Variants in GABRA2 observed in about 807,000 individuals in gnomAD.
GABRA2 encodes the protein gamma-aminobutyric acid type A receptor subunit alpha2, also known as gamma-aminobutyric acid receptor subunit alpha-2.
Under a neutral mutation model 48.7 loss-of-function variants are expected in GABRA2, and 16 were observed. The observed-to-expected ratio is 0.33, with a 90% CI of 0.22 to 0.50. The LOEUF is 0.50. Ranked by LOEUF, GABRA2 falls within the 20% of genes least tolerant of loss-of-function variation. The probability of loss-of-function intolerance (pLI) is 0.98; values close to 1 mark genes in which losing one functional copy is unlikely to be tolerated. For missense variants in GABRA2, 275 were observed against 535.6 expected (o/e 0.51, Z 4.80); for synonymous variants, 185 against 184.5 (o/e 1.00, Z -0.02).
chr4:46,262,948 AAGAAAGAAAG>A (rs1402401111), intron 8 of GABRA2, among the ~76,000 whole-genome samples: 3 of 94,768 alleles, frequency 3.2e-5, no homozygotes, highest in Admixed American at 9.4e-5. Context: ...GAAAGAAAGA[AAGAAAGAAAG>A]AGAGAGAGAG....
At chr4:46,305,775 G>T in intron 6 of GABRA2, 64 bp from the exon 7 acceptor site, 2 of 1,184,718 alleles carry the variant, frequency 1.7e-6, no homozygotes, top group Admixed American at 1.9e-5. Context: ...AGTGCTACAC[G>T]AACGGTTGTG....
At chr4:46,374,579 A>T (rs796380413) in intron 3 of GABRA2, among the ~76,000 whole-genome samples, 8 of 152,208 alleles carry the variant, frequency 5.3e-5, no homozygotes, top group African/African-American at 1.9e-4. Flanking sequence ...ACAAAATCCA[A>T]TTGTACTACC....
intron 8 of GABRA2, among the ~76,000 whole-genome samples, chr4:46,281,817 T>C (rs1721594364): frequency 1.3e-5 from 2 of 152,062 alleles, no homozygotes; most frequent in Non-Finnish European, 2.9e-5. Flanking sequence ...GTCAAGGGAA[T>C]TTTATTTGAG....
At chr4:46,292,220 G>T (rs74373441) in intron 8 of GABRA2, among the ~76,000 whole-genome samples, 1 of 152,242 alleles carries the variant, frequency 6.6e-6, no homozygotes, top group South Asian at 2.1e-4. Flanking sequence ...TGAACTCAGG[G>T]ATTCTAACTC....
At chr4:46,329,318 G>A (rs1730935211) in intron 4 of GABRA2, among the ~76,000 whole-genome samples, 1 of 152,118 alleles carries the variant, frequency 6.6e-6, no homozygotes, top group Non-Finnish European at 1.5e-5. Context: ...ACACTCCAAT[G>A]TAGTCACAAG....
chr4:46,333,848 T>G (rs938669500), intron 3 of GABRA2, among the ~76,000 whole-genome samples: 1 of 152,098 alleles, frequency 6.6e-6, no homozygotes, highest in African/African-American at 2.4e-5. Context: ...AACAATGATT[T>G]ATAACCCAAG....
intron 5 of GABRA2, among the ~76,000 whole-genome samples, chr4:46,310,996 T>A (rs1036390593): frequency 6.6e-6 from 1 of 152,202 alleles, no homozygotes; most frequent in Admixed American, 6.6e-5. Flanking sequence ...TCTGTTATAA[T>A]GAGCAAAGCA....
chr4:46,356,309 T>C (rs536849308), intron 3 of GABRA2, among the ~76,000 whole-genome samples: 1 of 152,160 alleles, frequency 6.6e-6, no homozygotes, highest in East Asian at 1.9e-4. Context: ...CCAAAGCCAA[T>C]CTATCTGTCA....
intron 3 of GABRA2, among the ~76,000 whole-genome samples, chr4:46,382,714 A>T (rs1716929656): frequency 6.6e-6 from 1 of 152,162 alleles, no homozygotes; most frequent in Non-Finnish European, 1.5e-5. Flanking sequence ...CTCAGAATAA[A>T]ATTCTATTAT....
chr4:46,275,792 T>C (rs1057214331), intron 8 of GABRA2, among the ~76,000 whole-genome samples: 2 of 152,164 alleles, frequency 1.3e-5, no homozygotes, highest in South Asian at 2.1e-4. Flanking sequence ...AGATACGTTA[T>C]TTGTGATAAA....
chr4:46,359,761 TA>T (rs1298323397), intron 3 of GABRA2, among the ~76,000 whole-genome samples: 1 of 151,776 alleles, frequency 6.6e-6, no homozygotes, highest in Non-Finnish European at 1.5e-5. Context: ...ACTAAAAATA[TA>T]AAAACTTAGC....
At position 46,337,051 on chromosome 4, in the gene GABRA2, G is replaced by T. The variant is rs936745830; in HGVS notation, c.188-4369C>A. 5.3e-5 allele frequency among the ~76,000 whole-genome samples: 8 copies of T among 152,160 alleles called. No homozygotes were observed. The South Asian group carries it at 1.5e-3, about 28-fold the overall frequency. Reference sequence around the variant, plus strand: ...AAGAACAAAATTGATGTTCAATTATGATTTATTTTACGATTCACTTAAAAT... The same window carrying T: ...AAGAACAAAATTGATGTTCAATTATTATTTATTTTACGATTCACTTAAAAT... On this transcript the variant is annotated intron_variant, in intron 3 of 9. Transcript: ENST00000381620.
chr4:46,300,609 G>T (rs898396962), intron 8 of GABRA2, among the ~76,000 whole-genome samples: 18 of 151,850 alleles, frequency 1.2e-4, no homozygotes, highest in Admixed American at 5.3e-4. Context: ...ACATCAAATT[G>T]ATACTATAAG....
intron 8 of GABRA2, among the ~76,000 whole-genome samples, chr4:46,279,501 T>A (rs983799757): frequency 3.4e-4 from 51 of 152,206 alleles, no homozygotes; most frequent in Non-Finnish European, 5.7e-4. Flanking sequence ...TCTCTTTTTT[T>A]AAATTTTTTT....
chr4:46,350,570 C>A (rs1296965266), intron 3 of GABRA2, among the ~76,000 whole-genome samples: 1 of 151,526 alleles, frequency 6.6e-6, no homozygotes, highest in East Asian at 1.9e-4. Flanking sequence ...ATATCTAGAT[C>A]TTAATTTTGA....
At chr4:46,274,990 C>A (rs1343410845) in intron 8 of GABRA2, among the ~76,000 whole-genome samples, 6 of 152,024 alleles carry the variant, frequency 3.9e-5, no homozygotes, top group Admixed American at 3.9e-4. Context: ...TAAATGGATG[C>A]CTAGGAAGCA....
rs1713286088 is a variant in GABRA2 at position 46,244,185 on chromosome 4, C to T, written c.*6123G>A. 2.6e-5 allele frequency: 4 copies of T among 151,530 alleles called. No homozygotes were observed. In the Admixed American group the frequency reaches 2.6e-4, roughly 10 times the overall value. 9.4% of individuals were successfully genotyped at this position (151,530 alleles called of 1,614,324 possible). Reference sequence around the variant, plus strand: ...TTTTACTTATGTCTTTCTAATTATACGTTACACCTTTTTACACATTATGAT... The same window carrying T: ...TTTTACTTATGTCTTTCTAATTATATGTTACACCTTTTTACACATTATGAT... On this transcript the variant is annotated 3_prime_UTR_variant, in exon 10 of 10. Transcript: ENST00000381620.
intron 9 of GABRA2, among the ~76,000 whole-genome samples, chr4:46,255,662 T>G (rs899795945): frequency 1.1e-4 from 16 of 151,646 alleles, no homozygotes; most frequent in Non-Finnish European, 2.1e-4. Context: ...GATTTTCCAT[T>G]TTAAAATGAC....
At chr4:46,338,880 G>A (rs1410553704) in intron 3 of GABRA2, among the ~76,000 whole-genome samples, 2 of 151,814 alleles carry the variant, frequency 1.3e-5, no homozygotes, top group Non-Finnish European at 2.9e-5. Flanking sequence ...TAGAAAGGTT[G>A]GACCAGTTTT....
Sources: allele counts gnomAD v4.1 joint callset (sites outside exome capture counted in the v4.1 genomes callset), GRCh38; gene constraint gnomAD v4.1.1; transcripts MANE v1.5; gene names NCBI Gene and HGNC (gene_info 2026-07-23, HGNC 2026-07-21).